Variants in WDR37 observed in about 807,000 individuals in gnomAD.
The protein encoded by WDR37 is WD repeat domain 37.
In WDR37, 19 loss-of-function variants were observed where a neutral mutation model predicts 62.9. That is an observed-to-expected ratio of 0.30 (90% CI 0.21 to 0.44). WDR37 has a LOEUF of 0.44. Among genes scored for constraint, WDR37 ranks in the 20% least tolerant of loss-of-function variants. WDR37 has a pLI of 1.00. For synonymous variants in WDR37, 250 were observed against 260.9 expected (o/e 0.96, Z 0.40); for missense variants, 474 against 657.6 (o/e 0.72, Z 3.05).
intron 11 of WDR37, among the ~76,000 whole-genome samples, chr10:1,111,906 T>TC (rs36031268): frequency 0.14 from 19,923 of 144,958 alleles, 1,468 homozygotes; most frequent in Middle Eastern, 0.2. Context: ...TCTCTCTCTC[T>TC]TTTTTTTTTT....
At chr10:1,079,678 G>A (rs1833970946) in intron 3 of WDR37, among the ~76,000 whole-genome samples, 1 of 151,990 alleles carries the variant, frequency 6.6e-6, no homozygotes, top group Non-Finnish European at 1.5e-5. Flanking sequence ...GGGATTACAG[G>A]CATGCACCAC....
At chr10:1,115,297 CT>C (rs1344275821) in intron 11 of WDR37, among the ~76,000 whole-genome samples, 56 of 152,318 alleles carry the variant, frequency 3.7e-4, no homozygotes, top group African/African-American at 1.3e-3. Context: ...AAAATGTGGT[CT>C]TTGGTGCTTT....
intron 13 of WDR37, among the ~76,000 whole-genome samples, chr10:1,128,961 T>G (rs866136450): frequency 5.3e-5 from 8 of 150,666 alleles, no homozygotes; most frequent in Middle Eastern, 3.4e-3. Flanking sequence ...CGGCGGTGGT[T>G]GGTGCTCGGC....
intron 9 of WDR37, among the ~76,000 whole-genome samples, chr10:1,100,032 T>A (rs1024219627): frequency 6.6e-6 from 1 of 152,258 alleles, no homozygotes; most frequent in Admixed American, 6.5e-5. Flanking sequence ...ATGTATGGAT[T>A]GTTTTCCAAA....
chr10:1,122,329 G>A (rs1342207351), intron 11 of WDR37, among the ~76,000 whole-genome samples: 1 of 152,200 alleles, frequency 6.6e-6, no homozygotes, highest in Non-Finnish European at 1.5e-5. Flanking sequence ...CTTCAGTGCG[G>A]GGTGAGGCGG....
At chr10:1,102,301 C>T (rs368898494) in intron 9 of WDR37, among the ~76,000 whole-genome samples, 4 of 136,878 alleles carry the variant, frequency 2.9e-5, no homozygotes, top group African/African-American at 5.5e-5. Flanking sequence ...CTGTGACGTG[C>T]GTTCCCGTGC....
At chr10:1,093,379 G>T in intron 7 of WDR37, 73 bp from the exon 8 acceptor site, 2 of 1,196,516 alleles carry the variant, frequency 1.7e-6, no homozygotes. Context: ...TGAAATACAC[G>T]CTATAGCTAA....
intron 11 of WDR37, among the ~76,000 whole-genome samples, chr10:1,109,668 G>A (rs72635992): frequency 0.11 from 16,219 of 152,122 alleles, 1,102 homozygotes; most frequent in East Asian, 0.26. Context: ...CCGAGATCAC[G>A]CCGTTGCACT....
intron 2 of WDR37, chr10:1,074,318 C>T (rs1047199982): frequency 8.3e-7 from 1 of 1,209,464 alleles, no homozygotes; most frequent in Non-Finnish European, 1.1e-6. Context: ...AATGCCCATT[C>T]TCCTTTGTGA....
chr10:1,109,058 G>C lies in WDR37; in HGVS notation c.1103+3791G>C, dbSNP rs193085228. Among the ~76,000 whole-genome samples, 404 of 152,286 alleles carry C rather than the reference G, an allele frequency of 2.7e-3. 2 individuals are homozygous for C. The highest frequency in any genetic ancestry group is 8.9e-3 in the African/African-American group (370 of 41,546). On this transcript the variant is annotated intron_variant, in intron 11 of 13. Coordinates refer to ENST00000263150, the MANE Select transcript of WDR37 (RefSeq NM_014023.4). ...GGAGGACGCAGTGGAGCCAGGGCTT[G>C]GTGAGTTGCTGGTTTGTGCCAGGCA...
chr10:1,083,831 G>A (rs1369050653), intron 5 of WDR37, among the ~76,000 whole-genome samples: 1 of 152,236 alleles, frequency 6.6e-6, no homozygotes, highest in South Asian at 2.1e-4. Context: ...CCTGTTCTGA[G>A]CGAGCGCCAA....
chr10:1,074,810 A>G (rs184046066), intron 2 of WDR37, among the ~76,000 whole-genome samples: 3 of 152,366 alleles, frequency 2.0e-5, no homozygotes, highest in African/African-American at 4.8e-5. Flanking sequence ...TTAACTTTAT[A>G]CATCTCAGAT....
intron 7 of WDR37, among the ~76,000 whole-genome samples, chr10:1,088,219 T>TC (rs1442271518): frequency 1.3e-5 from 2 of 152,212 alleles, no homozygotes; most frequent in Non-Finnish European, 2.9e-5. Context: ...TCGGCGTTCT[T>TC]GTCATTTGTG....
At position 1,124,226 on chromosome 10, in the gene WDR37, C is replaced by A; in HGVS notation, c.1112C>A (p.Thr371Asn). ...GTGCCCTTTGTTCATAGCACTGTGA[C>A]TTCTGCCGTGTTCACCGTGGGAGAC... is the stretch of plus-strand genomic sequence containing the variant. ...NVFQGHTDTV[T>N]SAVFTVGDNV... Residue 371 changes from threonine to asparagine, a missense_variant, in exon 12 of 14, where the codon ACT becomes AAT. Coordinates refer to ENST00000263150, the MANE Select transcript of WDR37 (RefSeq NM_014023.4). 1.2e-6 allele frequency: 2 copies of A among 1,614,208 alleles called. No individual in the cohort carries two copies. Among genetic ancestry groups the A allele is most frequent in the Non-Finnish European group, 1.7e-6 (2 of 1,180,040 alleles).
Position 1,093,500 on chromosome 10 carries a change from T to C in WDR37, c.649+4T>C, listed in dbSNP as rs141774422. The C allele has an allele frequency of 1.4e-3, 2,197 of 1,605,978 alleles. 28 individuals carry two copies. The African/African-American group carries it at 0.026, about 19-fold the overall frequency. Reference sequence around the variant, plus strand: ...TCAGAGCAGTTGGCTCTCACTGGTATGTTGATTTTTTTCTTTATTGAACAA... The same window carrying C: ...TCAGAGCAGTTGGCTCTCACTGGTACGTTGATTTTTTTCTTTATTGAACAA... On this transcript the variant is annotated splice_donor_region_variant and intron_variant, in intron 8 of 13. Transcript: ENST00000263150.
intron 6 of WDR37, among the ~76,000 whole-genome samples, chr10:1,085,022 C>T (rs1413198095): frequency 5.3e-5 from 8 of 152,206 alleles, no homozygotes; most frequent in Admixed American, 1.3e-4. Context: ...AGTGCAGTGG[C>T]GCAATCTCGG....
intron 5 of WDR37, among the ~76,000 whole-genome samples, chr10:1,082,150 A>G (rs567544565): frequency 6.6e-6 from 1 of 152,228 alleles, no homozygotes; most frequent in African/African-American, 2.4e-5. Context: ...TGGTAACAGA[A>G]TATATTCTGA....
intron 2 of WDR37, among the ~76,000 whole-genome samples, chr10:1,074,789 T>A (rs985341877): frequency 6.6e-6 from 1 of 152,164 alleles, no homozygotes; most frequent in African/African-American, 2.4e-5. Flanking sequence ...GAGGGAGACA[T>A]CGTGTTAGGT....
At chr10:1,066,514 T>C (rs541030102) in intron 1 of WDR37, among the ~76,000 whole-genome samples, 15 of 152,292 alleles carry the variant, frequency 9.8e-5, no homozygotes, top group South Asian at 6.2e-4. Context: ...ATAATAAATA[T>C]ACCATTTCTC....
Sources: allele counts gnomAD v4.1 joint callset (sites outside exome capture counted in the v4.1 genomes callset), GRCh38; gene constraint gnomAD v4.1.1; transcripts MANE v1.5; gene names NCBI Gene and HGNC (gene_info 2026-07-23, HGNC 2026-07-21).